Variants in GABRG3 observed in about 807,000 individuals in gnomAD.
The protein encoded by GABRG3 is gamma-aminobutyric acid receptor subunit gamma-3.
Under a neutral mutation model 48.8 loss-of-function variants are expected in GABRG3, and 25 were observed. The ratio of observed to expected loss-of-function variants is 0.51; its 90% CI spans 0.37 to 0.72. The LOEUF is 0.72. GABRG3 is among the 30% of genes least tolerant of loss of function. The probability of loss-of-function intolerance (pLI) is 0.00; values close to 1 mark genes in which losing one functional copy is unlikely to be tolerated. For missense variants in GABRG3, 394 were observed against 577.9 expected, an observed-to-expected ratio of 0.68 and a Z score of 3.26; for synonymous variants, 227 against 217.6, an observed-to-expected ratio of 1.04 and a Z score of -0.38.
intron 5 of GABRG3, among the ~76,000 whole-genome samples, chr15:27,472,415 A>G (rs764234880): frequency 3.3e-5 from 5 of 152,102 alleles, no homozygotes; most frequent in Non-Finnish European, 7.3e-5. Context: ...AGCTGGAACT[A>G]CAGGCACATA....
At chr15:26,988,375 C>G (rs1895187688) in intron 2 of GABRG3, among the ~76,000 whole-genome samples, 1 of 152,142 alleles carries the variant, frequency 6.6e-6, no homozygotes, top group Non-Finnish European at 1.5e-5. Context: ...ACCACTTTAT[C>G]ATTGTATAAT....
intron 3 of GABRG3, among the ~76,000 whole-genome samples, chr15:27,183,548 T>TA (rs1409288442): frequency 6.6e-6 from 1 of 152,220 alleles, no homozygotes; most frequent in African/African-American, 2.4e-5. Flanking sequence ...CACTGGACCT[T>TA]AAAAAACTGT....
intron 3 of GABRG3, among the ~76,000 whole-genome samples, chr15:27,245,031 G>A (rs1231711475): frequency 1.3e-5 from 2 of 152,166 alleles, no homozygotes; most frequent in Non-Finnish European, 2.9e-5. Context: ...ACATCTCACG[G>A]GTCGTGTGGA....
At chr15:27,489,623 AC>A (rs1411920388) in intron 6 of GABRG3, among the ~76,000 whole-genome samples, 2 of 152,206 alleles carry the variant, frequency 1.3e-5, no homozygotes, top group Non-Finnish European at 2.9e-5. Flanking sequence ...TTCTCTAATG[AC>A]CAGTGATGAT....
rs17671946 is a variant in GABRG3, at chr15:27,179,855, C to G, written c.271-146954C>G. Among the ~76,000 whole-genome samples the G allele has an allele frequency of 4.4e-4, 67 of 152,122 alleles. No individual in the cohort carries two copies. The highest frequency in any genetic ancestry group is 1.4e-3 in the African/African-American group (57 of 41,478). On this transcript the variant is annotated intron_variant, in intron 3 of 9. Transcript: ENST00000615808. The surrounding 1 kb of genome is among the most constrained non-coding windows in gnomAD (Gnocchi z 4.0). ...CGTAGAAGAGAGACAGTGGGGTCCT[C>G]TTAGGCCTTGTGTGCATAAAATAAG...
At chr15:27,174,958 C>T (rs148999886) in intron 3 of GABRG3, among the ~76,000 whole-genome samples, 26 of 152,180 alleles carry the variant, frequency 1.7e-4, no homozygotes, top group African/African-American at 5.8e-4. Flanking sequence ...GCTGTTAGGT[C>T]GTCACAGTTT....
intron 3 of GABRG3, among the ~76,000 whole-genome samples, chr15:27,256,633 A>T (rs1267252927): frequency 6.6e-6 from 1 of 152,098 alleles, no homozygotes; most frequent in Non-Finnish European, 1.5e-5. Context: ...TCTATAAATC[A>T]TTAACAAAAC....
intron 5 of GABRG3, among the ~76,000 whole-genome samples, chr15:27,392,792 T>G (rs961363827): frequency 6.6e-6 from 1 of 152,248 alleles, no homozygotes; most frequent in African/African-American, 2.4e-5. Flanking sequence ...GATATTTATT[T>G]TATACTCTGG....
intron 2 of GABRG3, among the ~76,000 whole-genome samples, chr15:27,005,319 G>C (rs1436197460): frequency 6.6e-6 from 1 of 152,054 alleles, no homozygotes; most frequent in Non-Finnish European, 1.5e-5. Flanking sequence ...TTCTGCCTCA[G>C]CCTCCCGAGT....
intron 3 of GABRG3, among the ~76,000 whole-genome samples, chr15:27,109,025 T>C (rs1380670613): frequency 6.6e-6 from 1 of 152,192 alleles, no homozygotes; most frequent in Non-Finnish European, 1.5e-5. Context: ...CCTATATTAT[T>C]ATGAGCATTT....
Position 26,975,915 on chromosome 15 carries a change from T to G in GABRG3, c.54-1087T>G, listed in dbSNP as rs1894933433. Among the ~76,000 whole-genome samples the G allele has an allele frequency of 6.6e-6, 1 of 152,200 alleles. No individual in the cohort carries two copies. The highest frequency in any genetic ancestry group is 1.5e-5 in the Non-Finnish European group (1 of 68,032). The stretch of plus-strand genomic sequence containing the variant: ...ACTGACAAACTAGAAAGGAAAAGTT[T>G]GGTTTGTTTCACATGCTTTCTTGCT... On this transcript the variant is annotated intron_variant, in intron 1 of 9. Transcript: ENST00000615808. The surrounding 1 kb of genome is among the most constrained non-coding windows in gnomAD (Gnocchi z 4.6).
intron 9 of GABRG3, among the ~76,000 whole-genome samples, chr15:27,532,310 C>T (rs937262657): frequency 6.6e-6 from 1 of 151,884 alleles, no homozygotes; most frequent in African/African-American, 2.4e-5. Flanking sequence ...GGGGTCTCCT[C>T]TCTCAGCTTT....
chr15:27,186,570 T>G (rs74899618), intron 3 of GABRG3, among the ~76,000 whole-genome samples: 355 of 152,280 alleles, frequency 2.3e-3, no homozygotes, highest in African/African-American at 8.3e-3. Context: ...TTCTGCTGTT[T>G]TTAGTCCTTT....
In GABRG3 at chr15:27,469,513, G is replaced by T. The variant is rs1191971741; in HGVS notation, c.575-11137G>T. Reference sequence around the variant, plus strand: ...CCACCACCACACCGGACTAATTTTTGTATTTTTAGTAGAGATGTGGTTTTA... The same window carrying T: ...CCACCACCACACCGGACTAATTTTTTTATTTTTAGTAGAGATGTGGTTTTA... On this transcript the variant is annotated intron_variant, in intron 5 of 9. Coordinates refer to ENST00000615808, the MANE Select transcript of GABRG3 (RefSeq NM_033223.5). Among the ~76,000 whole-genome samples the T allele has an allele frequency of 5.3e-5, 8 of 152,034 alleles. No homozygotes were observed. In the East Asian group the frequency reaches 1.6e-3, roughly 30 times the overall value.
At chr15:27,469,249 CT>C (rs111487666) in intron 5 of GABRG3, among the ~76,000 whole-genome samples, 19 of 152,278 alleles carry the variant, frequency 1.2e-4, no homozygotes, top group African/African-American at 4.1e-4. Context: ...CTGCAGTTGT[CT>C]TTTTTACAGT....
At chr15:27,348,162 A>AAAAAAAAAAAAAAAAC (rs1464634083) in intron 5 of GABRG3, among the ~76,000 whole-genome samples, 1 of 150,736 alleles carries the variant, frequency 6.6e-6, no homozygotes, top group African/African-American at 2.4e-5. Context: ...TCTCAAATAA[A>AAAAAAAAAAAAAAAAC]TAAAGAGTTG....
At chr15:27,241,416 C>G (rs1312824930) in intron 3 of GABRG3, among the ~76,000 whole-genome samples, 1 of 152,224 alleles carries the variant, frequency 6.6e-6, no homozygotes, top group South Asian at 2.1e-4. Context: ...AAAGGACTTA[C>G]AGCAGCAATG....
chr15:27,230,322 T>TA (rs1889758104), intron 3 of GABRG3, among the ~76,000 whole-genome samples: 1 of 152,180 alleles, frequency 6.6e-6, no homozygotes, highest in African/African-American at 2.4e-5. Flanking sequence ...ACCTGGTTTT[T>TA]AAAAAAATAG....
chr15:26,992,754 C>T (rs1895272142), intron 2 of GABRG3, among the ~76,000 whole-genome samples: 1 of 151,696 alleles, frequency 6.6e-6, no homozygotes, highest in Admixed American at 6.6e-5. Flanking sequence ...GGAAGTATCC[C>T]CTCTATTTTT....
Sources: gnomAD v4.1 joint callset for allele counts (sites outside exome capture counted in the v4.1 genomes callset) on GRCh38, gnomAD v4.1.1 for gene constraint, Gnocchi (gnomAD v3.1) non-coding constraint, MANE v1.5 for transcripts, NCBI Gene and HGNC (gene_info 2026-07-23, HGNC 2026-07-21) for gene names.